The following MGAT4C variants were observed in gnomAD, a reference collection of about 807,000 sequenced individuals.
MGAT4C encodes the protein alpha-1,3-mannosyl-glycoprotein 4-beta-N-acetylglucosaminyltransferase C.
Under a neutral mutation model 40.1 loss-of-function variants are expected in MGAT4C, and 19 were observed. The observed-to-expected ratio is 0.47, with a 90% CI of 0.33 to 0.70. The LOEUF (loss-of-function observed/expected upper bound fraction) is 0.70, where lower values mean the gene tolerates loss of function less well. Ranked by LOEUF, MGAT4C falls within the 30% of genes least tolerant of loss-of-function variation. The pLI, the probability that MGAT4C is intolerant of heterozygous loss-of-function variation, is 0.02. For synonymous variants in MGAT4C, 181 were observed against 187.1 expected, an observed-to-expected ratio of 0.97 and a Z score of 0.27; for missense variants, 491 against 563.2, an observed-to-expected ratio of 0.87 and a Z score of 1.30.
At chr12:86,040,398 G>A (rs1006333103) in intron 2 of MGAT4C, among the ~76,000 whole-genome samples, 3 of 152,168 alleles carry the variant, frequency 2.0e-5, no homozygotes, top group Non-Finnish European at 4.4e-5. Context: ...TCCCTGACTG[G>A]GGCTGCTGCC....
intron 1 of MGAT4C, among the ~76,000 whole-genome samples, chr12:86,209,909 C>T (rs1950392724): frequency 6.6e-6 from 1 of 152,158 alleles, no homozygotes; most frequent in Admixed American, 6.5e-5. Context: ...CTTTGGAATA[C>T]CATTTCTATG....
intron 3 of MGAT4C, among the ~76,000 whole-genome samples, chr12:86,365,814 G>A (rs1955580474): frequency 6.6e-6 from 1 of 151,656 alleles, no homozygotes; most frequent in Admixed American, 6.6e-5. Flanking sequence ...TACTGTCACT[G>A]GTAATGTGAT....
intron 2 of MGAT4C, among the ~76,000 whole-genome samples, chr12:86,609,419 A>G (rs530152626): frequency 1.3e-5 from 2 of 152,230 alleles, no homozygotes; most frequent in East Asian, 1.9e-4. Flanking sequence ...TTAACTCTTC[A>G]TGAGAAGACT....
intron 2 of MGAT4C, among the ~76,000 whole-genome samples, chr12:86,502,117 G>A (rs1457628027): frequency 6.6e-6 from 1 of 152,106 alleles, no homozygotes; most frequent in South Asian, 2.1e-4. Context: ...AACAGTCTGT[G>A]TATCATTTGA....
chr12:86,751,387 G>C (rs75048796), intron 1 of MGAT4C, among the ~76,000 whole-genome samples: 41 of 151,884 alleles, frequency 2.7e-4, no homozygotes, highest in African/African-American at 8.5e-4. Context: ...CATTAACCAG[G>C]TAAGTGTGCA....
intron 3 of MGAT4C, among the ~76,000 whole-genome samples, chr12:86,358,470 C>A (rs935473336): frequency 6.6e-6 from 1 of 152,090 alleles, no homozygotes. Context: ...CAAATTCACA[C>A]ATAACAATAT....
intron 1 of MGAT4C, among the ~76,000 whole-genome samples, chr12:86,213,844 G>A (rs571420246): frequency 6.6e-6 from 1 of 152,290 alleles, no homozygotes; most frequent in Non-Finnish European, 1.5e-5. Context: ...AATTTCTAGA[G>A]CAAGTTCCAA....
chr12:86,708,531 C>G (rs115006828), intron 2 of MGAT4C, among the ~76,000 whole-genome samples: 1 of 152,108 alleles, frequency 6.6e-6, no homozygotes, highest in East Asian at 1.9e-4. Context: ...TCCTTCAGAC[C>G]CCATAATGGT....
intron 1 of MGAT4C, among the ~76,000 whole-genome samples, chr12:86,179,980 TG>T (rs1244668209): frequency 6.6e-6 from 1 of 152,208 alleles, no homozygotes; most frequent in Non-Finnish European, 1.5e-5. Flanking sequence ...GCAACCTTCA[TG>T]GCAGCCGCTC....
At chr12:86,668,859 C>T (rs1964179961) in intron 2 of MGAT4C, among the ~76,000 whole-genome samples, 1 of 152,180 alleles carries the variant, frequency 6.6e-6, no homozygotes, top group Admixed American at 6.5e-5. Context: ...GTGCTCAAGG[C>T]TGCTCCCCTT....
chr12:86,359,074 G>C (rs1167383386), intron 3 of MGAT4C, among the ~76,000 whole-genome samples: 2 of 152,272 alleles, frequency 1.3e-5, no homozygotes, highest in South Asian at 2.1e-4. Flanking sequence ...CACATAGTTG[G>C]AAGGAAAACA....
At chr12:86,011,013 C>A (rs1476914484) in intron 2 of MGAT4C, among the ~76,000 whole-genome samples, 1 of 152,158 alleles carries the variant, frequency 6.6e-6, no homozygotes, top group African/African-American at 2.4e-5. Context: ...TATTGGACTT[C>A]CCAGACTTCA....
chr12:86,331,935 C>T (rs142236508), intron 4 of MGAT4C, among the ~76,000 whole-genome samples: 8 of 152,134 alleles, frequency 5.3e-5, no homozygotes, highest in Non-Finnish European at 1.0e-4. Flanking sequence ...TACAGTAATG[C>T]CCTAATTATG....
intron 1 of MGAT4C, among the ~76,000 whole-genome samples, chr12:86,775,092 A>T (rs1951728859): frequency 6.6e-6 from 1 of 152,216 alleles, no homozygotes; most frequent in Admixed American, 6.5e-5. Flanking sequence ...TTTTCTATTT[A>T]GTAAAAAGAG....
chr12:86,644,248 A>G (rs1213435045), intron 2 of MGAT4C, among the ~76,000 whole-genome samples: 1 of 151,738 alleles, frequency 6.6e-6, no homozygotes, highest in East Asian at 1.9e-4. Context: ...AATAAGAATA[A>G]ACTAAGAATC....
chr12:86,405,924 TATTATACATAC>T (rs1378341936), intron 3 of MGAT4C, among the ~76,000 whole-genome samples: 1,480 of 28,500 alleles, frequency 0.052, 38 homozygotes, highest in East Asian at 0.49. Flanking sequence ...TATGTATTTA[TATTATACATAC>T]ATTTATAAAT....
chr12:86,010,108 C>CA (rs1319123929), intron 2 of MGAT4C, among the ~76,000 whole-genome samples: 1 of 151,838 alleles, frequency 6.6e-6, no homozygotes, highest in Non-Finnish European at 1.5e-5. Context: ...GTGATAATGT[C>CA]AAAAAATACC....
intron 2 of MGAT4C, among the ~76,000 whole-genome samples, chr12:86,502,344 G>A (rs907528067): frequency 6.6e-6 from 1 of 151,866 alleles, no homozygotes; most frequent in Admixed American, 6.6e-5. Flanking sequence ...GGGGGTTGGG[G>A]TGAAGGAAGA....
chr12:86,401,905 T>C (rs1001499730), intron 3 of MGAT4C, among the ~76,000 whole-genome samples: 1 of 152,148 alleles, frequency 6.6e-6, no homozygotes, highest in African/African-American at 2.4e-5. Flanking sequence ...GGAAGAGTTC[T>C]AAGAAACAAT....
Sources: allele counts gnomAD v4.1 joint callset (sites outside exome capture counted in the v4.1 genomes callset), GRCh38; gene constraint gnomAD v4.1.1; transcripts MANE v1.5; gene names NCBI Gene and HGNC (gene_info 2026-07-23, HGNC 2026-07-21).